The following AGMO variants were observed in gnomAD, a reference collection of about 807,000 sequenced individuals.
AGMO encodes alkylglycerol monooxygenase, also known as glyceryl-ether monooxygenase.
Under a neutral mutation model 60.2 loss-of-function variants are expected in AGMO, and 75 were observed. The ratio of observed to expected loss-of-function variants is 1.25; its 90% CI spans 1.03 to 1.51. The LOEUF (loss-of-function observed/expected upper bound fraction) is 1.51. Ranked by LOEUF, AGMO falls within the 40% of genes most tolerant of loss-of-function variation. The pLI, the probability that AGMO is intolerant of heterozygous loss-of-function variation, is 0.00. For missense variants in AGMO, 763 were observed against 525.5 expected (o/e 1.45, Z -4.42); for synonymous variants, 261 against 177.1 (o/e 1.47, Z -3.76).
At chr7:15,380,039 G>T (rs190694953) in intron 10 of AGMO, among the ~76,000 whole-genome samples, 639 of 152,030 alleles carry the variant, frequency 4.2e-3, no homozygotes, top group Middle Eastern at 6.8e-3. Context: ...TAAGACAAAC[G>T]CACAGCTAAC....
intron 12 of AGMO, among the ~76,000 whole-genome samples, chr7:15,266,081 C>A (rs1475686421): frequency 6.6e-6 from 1 of 151,886 alleles, no homozygotes; most frequent in Non-Finnish European, 1.5e-5. Context: ...TTATAGTAGT[C>A]AAAATCATTG....
At chr7:15,302,727 T>C (rs1340284594) in intron 12 of AGMO, among the ~76,000 whole-genome samples, 2 of 152,146 alleles carry the variant, frequency 1.3e-5, no homozygotes, top group Non-Finnish European at 2.9e-5. Context: ...AGCCTTTTTG[T>C]TTTGTTTTGT....
At chr7:15,223,725 AT>A (rs1425251834) in intron 12 of AGMO, among the ~76,000 whole-genome samples, 1 of 151,908 alleles carries the variant, frequency 6.6e-6, no homozygotes, top group Non-Finnish European at 1.5e-5. Context: ...GAAGTACATA[AT>A]TTTTCCTATA....
chr7:15,254,955 T>C (rs1783052200), intron 12 of AGMO, among the ~76,000 whole-genome samples: 2 of 152,060 alleles, frequency 1.3e-5, no homozygotes, highest in Admixed American at 6.5e-5. Flanking sequence ...TGAATAAAAA[T>C]ATTGAAGCAG....
intron 12 of AGMO, among the ~76,000 whole-genome samples, chr7:15,321,378 T>C (rs1781103334): frequency 6.6e-6 from 1 of 152,194 alleles, no homozygotes; most frequent in Non-Finnish European, 1.5e-5. Context: ...TAGAGGTTTC[T>C]GAGTGAAATA....
intron 3 of AGMO, among the ~76,000 whole-genome samples, chr7:15,441,647 C>T (rs1046531129): frequency 3.3e-5 from 5 of 152,126 alleles, no homozygotes; most frequent in African/African-American, 4.8e-5. Flanking sequence ...ACTCCTACGA[C>T]GCTCCTCCCC....
chr7:15,390,252 G>T (rs1021026725), intron 8 of AGMO, among the ~76,000 whole-genome samples: 3 of 151,980 alleles, frequency 2.0e-5, no homozygotes, highest in African/African-American at 7.3e-5. Context: ...CTGACACTTG[G>T]GTCCAAGAAC....
At chr7:15,177,556 T>A in the AGMO span, among the ~76,000 whole-genome samples, 1 of 152,102 alleles carries the variant, frequency 6.6e-6, no homozygotes, top group African/African-American at 2.4e-5. Context: ...GGTAGGAAAG[T>A]AACAGGATCA....
intron 12 of AGMO, among the ~76,000 whole-genome samples, chr7:15,277,211 G>A (rs373097774): frequency 6.6e-5 from 10 of 151,862 alleles, no homozygotes; most frequent in Non-Finnish European, 8.8e-5. Flanking sequence ...GGGAGGCTGA[G>A]GCAGAATTGC....
rs972679109 is a variant in AGMO, at chr7:15,546,148, G to C, written c.258-1225C>G. 4.6e-5 allele frequency among the ~76,000 whole-genome samples: 7 copies of C among 151,866 alleles called. No individual in the cohort carries two copies. The South Asian group carries it at 1.0e-3, about 23-fold the overall frequency. On this transcript the variant is annotated intron_variant, in intron 2 of 12. Transcript: ENST00000342526. ...TTAATTATTGTATGACTTTAACTGTGATTTAATATCTTTAAAATAACCTCT... is the reference window on the plus strand; with the variant it reads ...TTAATTATTGTATGACTTTAACTGTCATTTAATATCTTTAAAATAACCTCT...
At chr7:15,354,379 T>TACACGTGTGTAC (rs1782392285) in intron 12 of AGMO, among the ~76,000 whole-genome samples, 7 of 54,380 alleles carry the variant, frequency 1.3e-4, no homozygotes, top group African/African-American at 6.5e-4. Context: ...GACGTGTGTA[T>TACACGTGTGTAC]ACACGTGTGT....
downstream of AGMO, among the ~76,000 whole-genome samples, chr7:15,198,164 GTAA>G (rs1326893581): frequency 6.7e-6 from 1 of 148,752 alleles, no homozygotes; most frequent in Non-Finnish European, 1.5e-5. Context: ...GAAGTGGTGA[GTAA>G]TTGACGAGTC....
At chr7:15,239,808 T>A (rs1054587388) in intron 12 of AGMO, among the ~76,000 whole-genome samples, 9 of 152,162 alleles carry the variant, frequency 5.9e-5, no homozygotes, top group African/African-American at 2.4e-5. Context: ...GAACATATTT[T>A]GAACACACTT....
chr7:15,373,538 C>A (rs891094328), intron 10 of AGMO, among the ~76,000 whole-genome samples: 8 of 151,954 alleles, frequency 5.3e-5, no homozygotes, highest in African/African-American at 1.5e-4. Context: ...GAAGAAAGCC[C>A]TTTTCTTCTT....
intron 12 of AGMO, among the ~76,000 whole-genome samples, chr7:15,307,597 G>A (rs1467818032): frequency 3.3e-5 from 5 of 151,742 alleles, no homozygotes; most frequent in Admixed American, 3.3e-4. Flanking sequence ...TTAAAGCAAG[G>A]AACAATAAAA....
chr7:15,245,337 C>T (rs1204094582), intron 12 of AGMO, among the ~76,000 whole-genome samples: 3 of 152,100 alleles, frequency 2.0e-5, no homozygotes, highest in Non-Finnish European at 4.4e-5. Context: ...CTCTCTTTCC[C>T]CTTTGACCAG....
intron 3 of AGMO, among the ~76,000 whole-genome samples, chr7:15,452,696 A>G (rs4329168): frequency 0.81 from 122,346 of 151,688 alleles, 50,232 homozygotes; most frequent in African/African-American, 0.88. Context: ...TAAGAAGAAC[A>G]GTTACCATGT....
rs557853058 is a variant in AGMO at position 15,532,387 on chromosome 7, G to C, written c.409+12385C>G. On this transcript the variant is annotated intron_variant, in intron 3 of 12. Coordinates refer to ENST00000342526, the MANE Select transcript of AGMO (RefSeq NM_001004320.2). The stretch of plus-strand genomic sequence containing the variant: ...ATTAAGGCTCTGGTGCATTAGCTCT[G>C]AGAGTTGGGCAAGTTGCTTAAATTT... Among the ~76,000 whole-genome samples the C allele has an allele frequency of 8.9e-4, 135 of 152,320 alleles. No individual in the cohort carries two copies. The Middle Eastern group carries it at 0.01, about 12-fold the overall frequency.
the AGMO span, among the ~76,000 whole-genome samples, chr7:15,168,162 C>T: frequency 2.3e-3 from 345 of 152,294 alleles, 2 homozygotes; most frequent in Middle Eastern, 0.02. Flanking sequence ...AGGTCATTAG[C>T]CAGCACAGGC....
Sources: allele counts gnomAD v4.1 joint callset (sites outside exome capture counted in the v4.1 genomes callset), GRCh38; gene constraint gnomAD v4.1.1; transcripts MANE v1.5; gene names NCBI Gene and HGNC (gene_info 2026-07-23, HGNC 2026-07-21).